Variants in FBXO16 observed in about 807,000 individuals in gnomAD.
FBXO16 encodes F-box only protein 16.
FBXO16 carries 31 observed loss-of-function variants against 41.0 expected under a neutral mutation model. The ratio of observed to expected loss-of-function variants is 0.76; its 90% confidence interval spans 0.57 to 1.02. The LOEUF is 1.02. Ranked by LOEUF, FBXO16 falls within the 50% of genes least tolerant of loss-of-function variation. The probability of loss-of-function intolerance (pLI) is 0.00; values close to 1 mark genes in which losing one functional copy is unlikely to be tolerated. For synonymous variants in FBXO16, 133 were observed against 117.8 expected (o/e 1.13, Z -0.84); for missense variants, 361 against 346.2 (o/e 1.04, Z -0.34).
chr8:28,432,016 C>T (rs945855602), intron 7 of FBXO16, among the ~76,000 whole-genome samples: 6 of 151,670 alleles, frequency 4.0e-5, no homozygotes, highest in Admixed American at 6.6e-5. Context: ...AGTGAGCAAA[C>T]GTAGACATAA....
Position 28,456,793 on chromosome 8 carries a change from C to G in FBXO16, c.480G>C (p.Val160=). The change falls in exon 5 of 9, where the codon GTG becomes GTC. Residue 160 remains valine (V), a synonymous_variant. Coordinates refer to ENST00000380254, the MANE Select transcript of FBXO16 (RefSeq NM_172366.4). ...GIWKKHYIQM[V]KELHITKPKT... ...TAGGCTTGGTAATATGAAGTTCTTTCACCATTTGAATATAGTGCTTCTTCC... is the reference window on the plus strand; with the variant it reads ...TAGGCTTGGTAATATGAAGTTCTTTGACCATTTGAATATAGTGCTTCTTCC... 6.2e-7 allele frequency: 1 copy of G among 1,614,092 alleles called. No individual in the cohort carries two copies. Among genetic ancestry groups the G allele is most frequent in the Non-Finnish European group, 8.5e-7 (1 of 1,179,996 alleles).
At chr8:28,439,677 T>C (rs1377158618) in intron 7 of FBXO16, among the ~76,000 whole-genome samples, 1 of 151,912 alleles carries the variant, frequency 6.6e-6, no homozygotes, top group Non-Finnish European at 1.5e-5. Flanking sequence ...CTGGGAGTTG[T>C]TGAGGCTGCA....
chr8:28,450,136 T>A lies in FBXO16; in HGVS notation c.740+2108A>T, dbSNP rs374410548. 1.6e-4 allele frequency among the ~76,000 whole-genome samples: 24 copies of A among 152,120 alleles called. No homozygotes were observed. The South Asian group carries it at 5.0e-3, about 32-fold the overall frequency. ...AAGACCAATATAGAGACCAATAGAATAGAATAAGGAGCCCAGAGTTAAAAC... is the reference window on the plus strand; with the variant it reads ...AAGACCAATATAGAGACCAATAGAAAAGAATAAGGAGCCCAGAGTTAAAAC... On this transcript the variant is annotated intron_variant, in intron 6 of 8. Coordinates refer to ENST00000380254, the MANE Select transcript of FBXO16 (RefSeq NM_172366.4).
At chr8:28,431,911 G>C (rs1563355771) in intron 7 of FBXO16, among the ~76,000 whole-genome samples, 1 of 151,856 alleles carries the variant, frequency 6.6e-6, no homozygotes, top group Admixed American at 6.6e-5. Flanking sequence ...CCTCATCCTT[G>C]AGCCTCCTAG....
intron 6 of FBXO16, among the ~76,000 whole-genome samples, chr8:28,451,839 C>T (rs1160287492): frequency 6.6e-6 from 1 of 151,880 alleles, no homozygotes; most frequent in Non-Finnish European, 1.5e-5. Context: ...CAAAAATTAG[C>T]TGGGCATCGT....
At position 28,473,772 on chromosome 8, in the gene FBXO16, C is replaced by T; in HGVS notation, c.135G>A (p.Trp45Ter). Residue 45 changes from tryptophan (W) to a stop codon, truncating the protein, a stop_gained and splice_region_variant, in exon 3 of 9, where the codon TGG becomes TGA. Transcript: ENST00000380254. LOFTEE classifies it high-confidence loss of function. ...FEERRALLGKWFDKWTDSQRR... is the reference protein window; with the variant it reads ...FEERRALLGK Reference sequence around the variant, plus strand: ...AAAAATAGTATTTTTAAATGTTTACCCATTTGCCAAGCAGGGCTCTTCTTT... The same window carrying T: ...AAAAATAGTATTTTTAAATGTTTACTCATTTGCCAAGCAGGGCTCTTCTTT... The T allele has an allele frequency of 6.2e-7, 1 of 1,600,460 alleles. No homozygotes were observed. The highest frequency in any genetic ancestry group is 1.3e-5 in the African/African-American group (1 of 74,454).
At chr8:28,456,685 C>T in intron 5 of FBXO16, 81 bp downstream of exon 5, 1 of 1,497,958 alleles carries the variant, frequency 6.7e-7, no homozygotes, top group Non-Finnish European at 9.1e-7. Flanking sequence ...CCCCAACTTC[C>T]AGTCTGATCC....
intron 5 of FBXO16, 29 bp from the exon 6 acceptor site, chr8:28,452,505 A>C: frequency 5.6e-6 from 9 of 1,606,266 alleles, no homozygotes; most frequent in Non-Finnish European, 6.8e-6. Context: ...TTATGTTCTC[A>C]AAACACTATA....
rs183364035 is a variant in FBXO16, at chr8:28,482,778, C to T, written c.99+570G>A. Among the ~76,000 whole-genome samples, 36 of 151,872 alleles carry T rather than the reference C, an allele frequency of 2.4e-4. No individual in the cohort carries two copies. In the East Asian group the frequency reaches 4.3e-3, roughly 18 times the overall value. On this transcript the variant is annotated intron_variant, in intron 2 of 8. Transcript: ENST00000380254. ...ATTTTTAGTAGAAACGGGGTTTCACCATGTTAACCAGGCTGGTCTCGAACC... is the reference window on the plus strand; with the variant it reads ...ATTTTTAGTAGAAACGGGGTTTCACTATGTTAACCAGGCTGGTCTCGAACC...
chr8:28,466,405 G>A (rs76109501), intron 3 of FBXO16, among the ~76,000 whole-genome samples: 16,577 of 152,026 alleles, frequency 0.11, 2,309 homozygotes, highest in African/African-American at 0.33. Context: ...CTTTAACTGC[G>A]AAGACTACAG....
At chr8:28,447,547 A>C (rs535796041) in intron 6 of FBXO16, 2 of 381,704 alleles carry the variant, frequency 5.2e-6, no homozygotes, top group African/African-American at 4.1e-5. Flanking sequence ...ACATTAAGAA[A>C]GAAGGGTGGA....
At chr8:28,435,340 T>A (rs1802672426) in intron 7 of FBXO16, among the ~76,000 whole-genome samples, 2 of 151,986 alleles carry the variant, frequency 1.3e-5, no homozygotes, top group Admixed American at 1.3e-4. Context: ...CCAGCTAATT[T>A]TTTTTGTATT....
chr8:28,464,231 T>C (rs1045599580), intron 3 of FBXO16, among the ~76,000 whole-genome samples: 5 of 152,214 alleles, frequency 3.3e-5, no homozygotes, highest in African/African-American at 1.2e-4. Context: ...GTATTCACAA[T>C]TGGAGATAAA....
chr8:28,462,270 T>G (rs1803146730), intron 4 of FBXO16, among the ~76,000 whole-genome samples: 1 of 139,088 alleles, frequency 7.2e-6, no homozygotes, highest in African/African-American at 2.9e-5. Context: ...ATTTTCTTCT[T>G]CTTCTTCTTT....
intron 7 of FBXO16, among the ~76,000 whole-genome samples, chr8:28,433,010 G>C (rs1364152728): frequency 2.7e-5 from 4 of 150,360 alleles, no homozygotes; most frequent in Non-Finnish European, 5.9e-5. Flanking sequence ...GCAGTGAGCC[G>C]AGATTGCACC....
intron 7 of FBXO16, among the ~76,000 whole-genome samples, chr8:28,441,327 T>C (rs1802770054): frequency 6.6e-6 from 1 of 152,042 alleles, no homozygotes; most frequent in African/African-American, 2.4e-5. Context: ...AGTCCTAGAG[T>C]CTGCTGACAT....
At chr8:28,471,804 TCAAAAAAA>T (rs1803339534) in intron 3 of FBXO16, among the ~76,000 whole-genome samples, 1 of 12,556 alleles carries the variant, frequency 8.0e-5, no homozygotes, top group African/African-American at 5.2e-4. Context: ...ACAGAGAATC[TCAAAAAAA>T]AAAAAAAAAA....
At chr8:28,455,624 C>G (rs1803027713) in intron 5 of FBXO16, 1 of 152,180 alleles carries the variant, frequency 6.6e-6, no homozygotes, top group African/African-American at 2.4e-5. Flanking sequence ...CCCTGAACAG[C>G]CTGAGCTTCA....
intron 7 of FBXO16, among the ~76,000 whole-genome samples, chr8:28,430,662 A>G (rs1166993911): frequency 6.6e-6 from 1 of 152,204 alleles, no homozygotes; most frequent in Non-Finnish European, 1.5e-5. Context: ...TTTAGTAACA[A>G]TGAAGATAAA....
Sources: allele counts gnomAD v4.1 joint callset (sites outside exome capture counted in the v4.1 genomes callset), GRCh38; gene constraint gnomAD v4.1.1; transcripts MANE v1.5; gene names NCBI Gene and HGNC (gene_info 2026-07-23, HGNC 2026-07-21).